SLC16A2: variants seen among roughly 807,000 people sequenced by gnomAD.
SLC16A2 encodes the protein solute carrier family 16 member 2.
A neutral mutation model predicts 27.2 loss-of-function variants in SLC16A2; 3 were observed. The observed-to-expected ratio is 0.11, with a 90% confidence interval of 0.05 to 0.28. SLC16A2 has a LOEUF of 0.28. Among genes scored for constraint, SLC16A2 ranks in the 10% least tolerant of loss-of-function variants. The pLI is 1.00. For synonymous variants in SLC16A2, 202 were observed against 187.8 expected, an observed-to-expected ratio of 1.08 and a Z score of -0.62; for missense variants, 295 against 458.5, an observed-to-expected ratio of 0.64 and a Z score of 3.26.
intron 1 of SLC16A2, among the ~76,000 whole-genome samples, chrX:74,443,924 G>A (rs1928796773): frequency 9.0e-6 from 1 of 111,445 alleles, no homozygotes; most frequent in Non-Finnish European, 1.9e-5. Flanking sequence ...TCTGCATCTT[G>A]AGCAGAAGAG....
chrX:74,507,897 G>A (rs938257942), intron 1 of SLC16A2, among the ~76,000 whole-genome samples: 6 of 111,998 alleles, frequency 5.4e-5, no homozygotes, highest in Admixed American at 4.7e-4. Flanking sequence ...TTTATCTGTT[G>A]ATGAACACTT....
chrX:74,497,197 G>A (rs1207268963), intron 1 of SLC16A2, among the ~76,000 whole-genome samples: 1 of 111,817 alleles, frequency 8.9e-6, no homozygotes, highest in African/African-American at 3.3e-5. Context: ...CAGGTCCGGG[G>A]TGAAGCCCCA....
At chrX:74,430,035 A>G (rs1928505985) in intron 1 of SLC16A2, among the ~76,000 whole-genome samples, 1 of 112,219 alleles carries the variant, frequency 8.9e-6, no homozygotes, top group Non-Finnish European at 1.9e-5. Flanking sequence ...ACATCTGCCT[A>G]ATATGCACCC....
At chrX:74,479,836 C>T (rs1011631844) in intron 1 of SLC16A2, among the ~76,000 whole-genome samples, 26 of 111,794 alleles carry the variant, frequency 2.3e-4, no homozygotes, top group African/African-American at 8.5e-4. Flanking sequence ...CCTGATCGTT[C>T]CTCTGGAAGT....
intron 1 of SLC16A2, among the ~76,000 whole-genome samples, chrX:74,464,241 T>C (rs1183939453): frequency 8.9e-6 from 1 of 112,385 alleles, no homozygotes; most frequent in Non-Finnish European, 1.9e-5. Context: ...TTCTGAACAT[T>C]TATGTACAAG....
intron 1 of SLC16A2, among the ~76,000 whole-genome samples, chrX:74,516,052 GT>G (rs886870767): frequency 2.7e-5 from 3 of 110,178 alleles, no homozygotes; most frequent in Non-Finnish European, 5.7e-5. Context: ...CTCCTTTTGT[GT>G]TTTTTTTTCT....
At chrX:74,479,369 CTAG>C (rs749940233) in intron 1 of SLC16A2, among the ~76,000 whole-genome samples, 1 of 111,565 alleles carries the variant, frequency 9.0e-6, no homozygotes, top group Admixed American at 9.6e-5. Flanking sequence ...ATTGGTTATT[CTAG>C]TTAGCCTTTC....
intron 1 of SLC16A2, among the ~76,000 whole-genome samples, chrX:74,491,768 A>G (rs988768169): frequency 8.9e-6 from 1 of 112,695 alleles, no homozygotes; most frequent in Non-Finnish European, 1.9e-5. Flanking sequence ...TTCTTGAATA[A>G]ATGTTCCTTC....
rs753847052 is a variant in SLC16A2 at position 74,512,985 on chromosome X, G to A, written c.431-8005G>A. ...CAAGTCTCACTCCATGATACCATAG[G>A]AGAGGGGTAGGCCTTGTTACCGCTG... On this transcript the variant is annotated intron_variant, in intron 1 of 5. Coordinates refer to ENST00000587091, the MANE Select transcript of SLC16A2 (RefSeq NM_006517.5). Among the ~76,000 whole-genome samples the A allele has an allele frequency of 2.7e-5, 3 of 111,531 alleles. No individual in the cohort carries two copies. In the South Asian group the frequency reaches 1.2e-3, roughly 43 times the overall value.
In SLC16A2 at chrX:74,532,342, A is replaced by G. The variant is rs1230698993; in HGVS notation, c.*789A>G. 8.9e-6 allele frequency: 1 copy of G among 112,751 alleles called. No homozygotes were observed. The highest frequency in any genetic ancestry group is 1.9e-5 in the Non-Finnish European group (1 of 53,677). 9.3% of individuals were successfully genotyped at this position (112,751 alleles called of 1,213,427 possible). A position where few individuals can be genotyped will look rare whatever the true frequency, so the allele number is the denominator to read the frequency against. ...CACATCTCACTTTTTCGCTCAAGCT[A>G]TATAATCCTAGACTGGAAGAGTAGA... On this transcript the variant is annotated 3_prime_UTR_variant, in exon 6 of 6. Coordinates refer to ENST00000587091, the MANE Select transcript of SLC16A2 (RefSeq NM_006517.5).
intron 1 of SLC16A2, chrX:74,473,329 C>T (rs1929396076): frequency 3.7e-6 from 2 of 547,269 alleles, no homozygotes; most frequent in Non-Finnish European, 6.5e-6. Flanking sequence ...ACCACCACCT[C>T]CATGACCATG....
At chrX:74,451,091 C>T (rs1342100334) in intron 1 of SLC16A2, among the ~76,000 whole-genome samples, 1 of 111,604 alleles carries the variant, frequency 9.0e-6, no homozygotes, top group Non-Finnish European at 1.9e-5. Flanking sequence ...TTTAAAAAAA[C>T]TTAAAATGAC....
At chrX:74,452,482 C>A (rs1400524603) in intron 1 of SLC16A2, among the ~76,000 whole-genome samples, 3 of 110,936 alleles carry the variant, frequency 2.7e-5, no homozygotes, top group Non-Finnish European at 1.9e-5. Context: ...TAGAAGGTCA[C>A]AATAAGCATT....
chrX:74,489,444 AC>A (rs1246512135), intron 1 of SLC16A2, among the ~76,000 whole-genome samples: 1 of 111,989 alleles, frequency 8.9e-6, no homozygotes, highest in Non-Finnish European at 1.9e-5. Context: ...ATAAACACAA[AC>A]AAAAATGCTA....
chrX:74,504,067 A>G (rs1930081911), intron 1 of SLC16A2, among the ~76,000 whole-genome samples: 1 of 112,592 alleles, frequency 8.9e-6, no homozygotes, highest in South Asian at 3.6e-4. Flanking sequence ...TCTACTATGA[A>G]GAAAAGAAAT....
chrX:74,490,485 C>G (rs1024549720), intron 1 of SLC16A2, among the ~76,000 whole-genome samples: 2 of 111,253 alleles, frequency 1.8e-5, no homozygotes, highest in Non-Finnish European at 1.9e-5. Flanking sequence ...TGCCCTCTTA[C>G]TTATCTCAGT....
At chrX:74,478,762 G>A (rs955007384) in intron 1 of SLC16A2, among the ~76,000 whole-genome samples, 1 of 111,293 alleles carries the variant, frequency 9.0e-6, no homozygotes, top group Non-Finnish European at 1.9e-5. Context: ...GGCTGGATAT[G>A]AAATTCTGGG....
intron 1 of SLC16A2, among the ~76,000 whole-genome samples, chrX:74,506,036 G>A (rs1338032053): frequency 8.9e-6 from 1 of 112,114 alleles, no homozygotes. Flanking sequence ...CAATGGAGCA[G>A]CCATGTTTCC....
rs1289700497 is a variant in SLC16A2 at position 74,531,445 on chromosome X, G to A, written c.1512G>A (p.Met504Ile). 1.7e-6 allele frequency: 2 copies of A among 1,210,815 alleles called. No homozygotes were observed. The highest frequency in any genetic ancestry group is 3.5e-5 in the South Asian group (2 of 56,978). ...TCGTCCCTCTGATGCATCAAAGGATGTTCAAGAAAGAGCAGAGAGATTCCA... is the reference window on the plus strand; with the variant it reads ...TCGTCCCTCTGATGCATCAAAGGATATTCAAGAAAGAGCAGAGAGATTCCA... ...LFFVPLMHQR[M>I]FKKEQRDSSK... Residue 504 changes from methionine to isoleucine, a missense_variant, in exon 6 of 6, where the codon ATG becomes ATA. Met to Ile is a conservative substitution (Grantham distance 10). Coordinates refer to ENST00000587091, the MANE Select transcript of SLC16A2 (RefSeq NM_006517.5).
Sources: allele counts gnomAD v4.1 joint callset (sites outside exome capture counted in the v4.1 genomes callset), GRCh38; gene constraint gnomAD v4.1.1; transcripts MANE v1.5; gene names NCBI Gene and HGNC (gene_info 2026-07-23, HGNC 2026-07-21).